Variants in CORO7 observed in about 807,000 individuals in gnomAD.
CORO7 encodes the protein coronin 7, also known as coronin-7.
A neutral mutation model predicts 126.6 loss-of-function variants in CORO7; 107 were observed. The ratio of observed to expected loss-of-function variants is 0.85; its 90% CI spans 0.72 to 0.99. The LOEUF (loss-of-function observed/expected upper bound fraction) is 0.99, where lower values mean the gene tolerates loss of function less well. CORO7 is among the 50% of genes least tolerant of loss of function. CORO7 has a pLI of 0.00. For missense variants in CORO7, 1,314 were observed against 1,255.8 expected (o/e 1.05, Z -0.70); for synonymous variants, 603 against 536.8 (o/e 1.12, Z -1.70).
At chr16:4,359,900 C>CT (rs1211182797) in intron 21 of CORO7, among the ~76,000 whole-genome samples, 2 of 146,564 alleles carry the variant, frequency 1.4e-5, no homozygotes, top group African/African-American at 2.5e-5. Flanking sequence ...CATCTATCTC[C>CT]CCCCAACCCC....
At position 4,408,226 on chromosome 16, in the gene CORO7, C is replaced by T. The variant is rs781766106; in HGVS notation, c.258G>A (p.Ser86=). Residue 86 remains serine (S), a synonymous_variant, in exon 4 of 28, where the codon TCG becomes TCA. Coordinates refer to ENST00000251166, the MANE Select transcript of CORO7 (RefSeq NM_024535.5). The part of the protein sequence containing the change: ...HSDLVTDLDF[S]PFDDFLLATG... ...TGGCCAGGAGGAAGTCATCAAAGGGCGAGAAGTCCAAGTCGGTGACTAGGT... is the reference window on the plus strand; with the variant it reads ...TGGCCAGGAGGAAGTCATCAAAGGGTGAGAAGTCCAAGTCGGTGACTAGGT... 46 of 1,614,060 alleles carry T rather than the reference C, an allele frequency of 2.8e-5. No homozygotes were observed. Among genetic ancestry groups the T allele is most frequent in the Admixed American group, 5.0e-5 (3 of 59,998 alleles).
At chr16:4,378,033 C>G (rs2054810750) in intron 9 of CORO7, among the ~76,000 whole-genome samples, 2 of 152,202 alleles carry the variant, frequency 1.3e-5, no homozygotes, top group Non-Finnish European at 2.9e-5. Context: ...AAAGACCCAA[C>G]AGATTACGGA....
chr16:4,363,810 G>C (rs374275902), intron 14 of CORO7, among the ~76,000 whole-genome samples: 1 of 151,750 alleles, frequency 6.6e-6, no homozygotes, highest in Non-Finnish European at 1.5e-5. Flanking sequence ...CCTGAGGTCA[G>C]GAGTTCGAGA....
chr16:4,410,305 G>T (rs1248580495), intron 3 of CORO7, among the ~76,000 whole-genome samples: 1 of 152,082 alleles, frequency 6.6e-6, no homozygotes, highest in East Asian at 1.9e-4. Context: ...TGTGCCTATA[G>T]TCCCAGCTAC....
At chr16:4,416,060 C>G (rs1245812147) in intron 1 of CORO7, 1 of 258,236 alleles carries the variant, frequency 3.9e-6, no homozygotes, top group African/African-American at 2.3e-5. Flanking sequence ...GCAGGGGCGA[C>G]CCGGGGCGGC....
chr16:4,376,537 C>G (rs993085392), intron 9 of CORO7, among the ~76,000 whole-genome samples: 5 of 152,150 alleles, frequency 3.3e-5, no homozygotes, highest in African/African-American at 7.2e-5. Context: ...GCAGGCACAC[C>G]GCCTGCCCCA....
At chr16:4,382,990 C>A in intron 9 of CORO7, 1 of 1,347,380 alleles carries the variant, frequency 7.4e-7, no homozygotes, top group Non-Finnish European at 9.9e-7. Context: ...GTTCTCAGTC[C>A]CAACCTCGGG....
At position 4,408,181 on chromosome 16, in the gene CORO7, C is replaced by G. The variant is rs759168875; in HGVS notation, c.303G>C (p.Thr101=). ...AGCTCTTCCAACTGGCTCCACTCAC[C>G]GTCCTGTCAGCCGAGCCTGTGGCCA... The part of the protein sequence containing the change: ...FLLATGSADR[T]VKLWRLPGPG... Residue 101 remains threonine (T), a splice_region_variant and synonymous_variant, in exon 4 of 28, where the codon ACG becomes ACC. Transcript: ENST00000251166. 5 of 1,614,000 alleles carry G rather than the reference C, an allele frequency of 3.1e-6. No homozygotes were observed. The highest frequency in any genetic ancestry group is 3.4e-6 in the Non-Finnish European group (4 of 1,180,012).
At chr16:4,396,864 A>C (rs1172993596) in intron 6 of CORO7, among the ~76,000 whole-genome samples, 1 of 151,778 alleles carries the variant, frequency 6.6e-6, no homozygotes, top group Non-Finnish European at 1.5e-5. Context: ...GAAAATAAAA[A>C]AATTAGCCGG....
intron 1 of CORO7, chr16:4,414,488 T>C (rs1175470560): frequency 2.0e-5 from 3 of 151,776 alleles, no homozygotes; most frequent in African/African-American, 4.8e-5. Flanking sequence ...CACCCACCCA[T>C]AGCACCCCGG....
chr16:4,413,955 G>A (rs942072053), intron 1 of CORO7, among the ~76,000 whole-genome samples: 2 of 151,378 alleles, frequency 1.3e-5, no homozygotes, highest in Non-Finnish European at 2.9e-5. Flanking sequence ...GGAGGCTGAG[G>A]CAGACAGATC....
At chr16:4,416,326 G>T (rs993042140) in intron 1 of CORO7, 133 bp downstream of exon 1, 1 of 1,275,234 alleles carries the variant, frequency 7.8e-7, no homozygotes, top group Non-Finnish European at 1.0e-6. Context: ...CTGGCCTGAA[G>T]GGGGGTTCCC....
chr16:4,412,076 G>A (rs879509092), intron 3 of CORO7, among the ~76,000 whole-genome samples: 1 of 151,992 alleles, frequency 6.6e-6, no homozygotes, highest in Non-Finnish European at 1.5e-5. Context: ...GGCAGGGACA[G>A]GGAGCCAGCA....
At chr16:4,387,005 T>A (rs1363358191) in intron 9 of CORO7, among the ~76,000 whole-genome samples, 1 of 152,180 alleles carries the variant, frequency 6.6e-6, no homozygotes, top group Admixed American at 6.5e-5. Context: ...AGTTATGCAA[T>A]GGAAGAATGA....
chr16:4,402,574 G>A lies in CORO7; in HGVS notation c.564+2917C>T, dbSNP rs916360650. 1.3e-5 allele frequency among the ~76,000 whole-genome samples: 2 copies of A among 152,174 alleles called. 1 individual carries two copies. Among genetic ancestry groups the A allele is most frequent in the Admixed American group, 1.3e-4 (2 of 15,274 alleles). ...GCCCAGCCCTGTGAACTGTGAGGAT[G>A]CGGACAGCGCCACCCCTGGGCAGGG... On this transcript the variant is annotated intron_variant, in intron 6 of 27. Transcript: ENST00000251166.
chr16:4,357,927 C>A (rs1412664392), intron 25 of CORO7, 41 bp downstream of exon 25: 2 of 1,573,280 alleles, frequency 1.3e-6, no homozygotes, highest in Admixed American at 1.8e-5. Context: ...TTTCTCCAAC[C>A]CCCATCCCGC....
At chr16:4,383,571 TGAA>T (rs1470281515) in intron 9 of CORO7, 9 of 164,444 alleles carry the variant, frequency 5.5e-5, no homozygotes, top group South Asian at 2.1e-4. Flanking sequence ...TGGAGGGAGA[TGAA>T]GAAGGAGTGG....
intron 9 of CORO7, chr16:4,382,949 G>A: frequency 6.9e-7 from 1 of 1,445,946 alleles, no homozygotes; most frequent in African/African-American, 1.4e-5. Flanking sequence ...CAGTGAGATG[G>A]CCAGCCCCCT....
rs761770220 is a variant in CORO7 at position 4,359,277 on chromosome 16, G to A, written c.2340+19C>T. 1 of 1,583,292 alleles carries A rather than the reference G, an allele frequency of 6.3e-7. No individual in the cohort carries two copies. Among genetic ancestry groups the A allele is most frequent in the Admixed American group, 1.8e-5 (1 of 54,612 alleles). On this transcript the variant is annotated intron_variant, in intron 23 of 27. Coordinates refer to ENST00000251166, the MANE Select transcript of CORO7 (RefSeq NM_024535.5). Reference sequence around the variant, plus strand: ...AGCCTTGTGGTCCCATCGGGGACGAGGCGCCAGGGTGGCCTCACCTTGTGG... The same window carrying A: ...AGCCTTGTGGTCCCATCGGGGACGAAGCGCCAGGGTGGCCTCACCTTGTGG...
Sources: gnomAD v4.1 joint callset for allele counts (sites outside exome capture counted in the v4.1 genomes callset) on GRCh38, gnomAD v4.1.1 for gene constraint, MANE v1.5 for transcripts, NCBI Gene and HGNC (gene_info 2026-07-23, HGNC 2026-07-21) for gene names.